The following LAMC1 variants were observed in gnomAD, a reference collection of about 807,000 sequenced individuals.
LAMC1 encodes laminin subunit gamma-1.
Under a neutral mutation model 173.6 loss-of-function variants are expected in LAMC1, and 38 were observed. The observed-to-expected ratio is 0.22, with a 90% CI of 0.17 to 0.29. LAMC1 has a LOEUF of 0.29. LAMC1 is among the 10% of genes least tolerant of loss of function. LAMC1 has a pLI of 1.00. For missense variants in LAMC1, 1,824 were observed against 2,051.8 expected, an observed-to-expected ratio of 0.89 and a Z score of 2.14; for synonymous variants, 746 against 749.1, an observed-to-expected ratio of 1.00 and a Z score of 0.07.
intron 1 of LAMC1, among the ~76,000 whole-genome samples, chr1:183,092,023 G>A (rs912113635): frequency 1.3e-5 from 2 of 152,190 alleles, no homozygotes; most frequent in Non-Finnish European, 2.9e-5. Context: ...AGAGGAAATT[G>A]GCTTGGAGGA....
intron 1 of LAMC1, among the ~76,000 whole-genome samples, chr1:183,073,911 A>G (rs1020679027): frequency 1.3e-5 from 2 of 152,234 alleles, no homozygotes; most frequent in Non-Finnish European, 2.9e-5. Context: ...GGAAACAACA[A>G]AAAAGTGGCA....
intron 1 of LAMC1, 111 bp from the exon 2 acceptor site, chr1:183,103,217 G>A: frequency 1.0e-6 from 1 of 982,606 alleles, no homozygotes. Flanking sequence ...TTGGTTTGAT[G>A]TGTACAAGGA....
Position 183,122,126 on chromosome 1 carries a change from A to G in LAMC1, c.2276A>G (p.Tyr759Cys), listed in dbSNP as rs900517967. Residue 759 changes from tyrosine (Y) to cysteine (C), a missense_variant, in exon 13 of 28, where the codon TAT becomes TGT. By Grantham distance (194) the Tyr-to-Cys change is radical. Coordinates refer to ENST00000258341, the MANE Select transcript of LAMC1 (RefSeq NM_002293.4). The stretch of plus-strand genomic sequence containing the variant: ...TGTGAGAAGTGCAGTGATGGGTACT[A>G]TGGAGATTCAACTGCAGGCACCTCC... ...PHCEKCSDGY[Y>C]GDSTAGTSSD... 3.1e-6 allele frequency: 5 copies of G among 1,614,184 alleles called. No homozygotes were observed. The highest frequency in any genetic ancestry group is 4.5e-5 in the East Asian group (2 of 44,888).
chr1:183,125,355 A>G (rs748673514), intron 14 of LAMC1, 42 bp from the exon 15 acceptor site: 66 of 1,601,234 alleles, frequency 4.1e-5, no homozygotes, highest in Non-Finnish European at 5.2e-5. Context: ...TATTTCTCTC[A>G]GGTGATTTGT....
intron 1 of LAMC1, among the ~76,000 whole-genome samples, chr1:183,044,170 A>C (rs566352637): frequency 6.6e-6 from 1 of 152,188 alleles, no homozygotes; most frequent in African/African-American, 2.4e-5. Context: ...TTGAATTGAC[A>C]TCTTTCTTTT....
chr1:183,036,396 CTTTTTTTTTTT>C (rs768370901), intron 1 of LAMC1, among the ~76,000 whole-genome samples: 1 of 96,594 alleles, frequency 1.0e-5, no homozygotes, highest in Non-Finnish European at 2.0e-5. Context: ...CCACGCCAGT[CTTTTTTTTTTT>C]TTTTTTTTTT....
At chr1:183,122,366 G>C (rs1571455560) in intron 13 of LAMC1, 115 bp downstream of exon 13, 54 of 974,014 alleles carry the variant, frequency 5.5e-5, no homozygotes, top group Non-Finnish European at 6.7e-5. Context: ...AGTGGTTATG[G>C]TTTTCCTAAT....
chr1:183,080,817 T>G (rs908295024), intron 1 of LAMC1, among the ~76,000 whole-genome samples: 1 of 152,208 alleles, frequency 6.6e-6, no homozygotes, highest in Admixed American at 6.5e-5. Flanking sequence ...TTTGCTGATT[T>G]GGACCTAACA....
chr1:183,130,437 A>T lies in LAMC1; in HGVS notation c.3374A>T (p.Glu1125Val). ...TTACAGAATATCCGGAATACCATTG[A>T]AGAGACTGGAAACTTGGCTGAACAA... Reference protein sequence around the residue: ...SRLQNIRNTIEETGNLAEQAR... With the variant: ...SRLQNIRNTIVETGNLAEQAR... Residue 1125 changes from glutamate (E) to valine (V), a missense_variant, in exon 19 of 28, where the codon GAA becomes GTA. By Grantham distance (121) the Glu-to-Val change is moderately radical. Transcript: ENST00000258341. 1.2e-6 allele frequency: 2 copies of T among 1,614,182 alleles called. No homozygotes were observed. The highest frequency in any genetic ancestry group is 1.1e-5 in the South Asian group (1 of 91,074).
At chr1:183,142,481 A>C in intron 27 of LAMC1, 53 bp from the exon 28 acceptor site, 1 of 1,533,986 alleles carries the variant, frequency 6.5e-7, no homozygotes, top group Non-Finnish European at 8.8e-7. Flanking sequence ...TTGTGAAGGG[A>C]TCATTCTTAC....
intron 1 of LAMC1, among the ~76,000 whole-genome samples, chr1:183,074,025 T>C (rs1311495401): frequency 6.6e-6 from 1 of 152,208 alleles, no homozygotes; most frequent in Non-Finnish European, 1.5e-5. Context: ...TAATTTTTCT[T>C]ACTCCTTTTT....
At chr1:183,124,308 T>A (rs533903155) in intron 13 of LAMC1, among the ~76,000 whole-genome samples, 1 of 152,266 alleles carries the variant, frequency 6.6e-6, no homozygotes, top group African/African-American at 2.4e-5. Flanking sequence ...TGTGCCATCC[T>A]TTGAGACTGG....
At chr1:183,124,507 C>A in intron 13 of LAMC1, 124 bp from the exon 14 acceptor site, 1 of 1,179,780 alleles carries the variant, frequency 8.5e-7, no homozygotes, top group Non-Finnish European at 1.2e-6. Flanking sequence ...AGGTCCTCTG[C>A]CCTCCACTGC....
chr1:183,046,091 G>A (rs115000283), intron 1 of LAMC1, among the ~76,000 whole-genome samples: 1 of 152,184 alleles, frequency 6.6e-6, no homozygotes, highest in African/African-American at 2.4e-5. Flanking sequence ...TGAACAAAAT[G>A]TCTTAATTTT....
chr1:183,078,440 G>A (rs557755335), intron 1 of LAMC1, among the ~76,000 whole-genome samples: 84 of 152,080 alleles, frequency 5.5e-4, no homozygotes, highest in Non-Finnish European at 1.1e-3. Flanking sequence ...AAATTAGCCG[G>A]GTGTGGTGGT....
intron 1 of LAMC1, among the ~76,000 whole-genome samples, chr1:183,101,782 T>G (rs1259289055): frequency 6.6e-6 from 1 of 152,204 alleles, no homozygotes; most frequent in Admixed American, 6.5e-5. Flanking sequence ...CTTTCTGTTA[T>G]GCCACATGGC....
intron 11 of LAMC1, among the ~76,000 whole-genome samples, chr1:183,120,830 G>GT (rs28365817): frequency 0.1 from 15,907 of 152,012 alleles, 1,034 homozygotes; most frequent in Admixed American, 0.2. Context: ...TTTGTTTTTT[G>GT]TTTTTTGGGG....
At chr1:183,068,727 G>A (rs996039915) in intron 1 of LAMC1, among the ~76,000 whole-genome samples, 14 of 152,114 alleles carry the variant, frequency 9.2e-5, no homozygotes, top group African/African-American at 2.9e-4. Context: ...GGATCCATGA[G>A]GTCAGGAGAT....
intron 1 of LAMC1, among the ~76,000 whole-genome samples, chr1:183,039,501 T>A (rs1654070350): frequency 6.6e-6 from 1 of 152,232 alleles, no homozygotes; most frequent in Non-Finnish European, 1.5e-5. Flanking sequence ...TGAGCATTTG[T>A]GGGAACATCT....
Sources: gnomAD v4.1 joint callset for allele counts (sites outside exome capture counted in the v4.1 genomes callset) on GRCh38, gnomAD v4.1.1 for gene constraint, MANE v1.5 for transcripts, NCBI Gene and HGNC (gene_info 2026-07-23, HGNC 2026-07-21) for gene names.